MALRD1: variants seen among roughly 807,000 people sequenced by gnomAD.
MALRD1 encodes the protein MAM and LDL-receptor class A domain-containing protein 1.
MALRD1 carries 247 observed loss-of-function variants against 242.1 expected under a neutral mutation model. That is an observed-to-expected ratio of 1.02 (90% CI 0.92 to 1.13). MALRD1 has a LOEUF of 1.13. Ranked by LOEUF, MALRD1 falls within the 50% of genes most tolerant of loss-of-function variation. The pLI, the probability that MALRD1 is intolerant of heterozygous loss-of-function variation, is 0.00. For missense variants in MALRD1, 2,989 were observed against 2,533.1 expected (o/e 1.18, Z -3.86); for synonymous variants, 995 against 866.6 (o/e 1.15, Z -2.60).
chr10:19,688,709 G>C (rs1589403281), intron 36 of MALRD1, among the ~76,000 whole-genome samples: 2 of 152,188 alleles, frequency 1.3e-5, no homozygotes, highest in African/African-American at 4.8e-5. Context: ...CACTGCTGTT[G>C]CTCAAAGAAT....
At chr10:19,355,859 T>TATATATATATATATATATATACATAC (rs1348787430) in intron 26 of MALRD1, among the ~76,000 whole-genome samples, 3 of 18,262 alleles carry the variant, frequency 1.6e-4, no homozygotes, top group Non-Finnish European at 2.6e-4. Flanking sequence ...ATATATATAT[T>TATATATATATATATATATATACATAC]ATATATGATA....
chr10:19,600,508 A>G (rs1288842606), intron 34 of MALRD1, among the ~76,000 whole-genome samples: 2 of 152,216 alleles, frequency 1.3e-5, no homozygotes, highest in Non-Finnish European at 2.9e-5. Flanking sequence ...AATAAAATAA[A>G]TACCCATCCT....
rs187267975 is a variant in MALRD1 at position 19,187,211 on chromosome 10, G to A, written c.1951+11883G>A. Among the ~76,000 whole-genome samples, 5 of 152,174 alleles carry A rather than the reference G, an allele frequency of 3.3e-5. No individual in the cohort carries two copies. In the East Asian group the frequency reaches 7.7e-4, roughly 23 times the overall value. On this transcript the variant is annotated intron_variant, in intron 14 of 39. Transcript: ENST00000454679. ...TAAGGCATAAAGAGGATTAATATTA[G>A]GGCCCTGCTTCCTAGCTGGGGACAG...
chr10:19,465,438 C>A (rs1003918589), intron 29 of MALRD1, among the ~76,000 whole-genome samples: 2 of 152,062 alleles, frequency 1.3e-5, no homozygotes, highest in African/African-American at 4.8e-5. Context: ...GAATTTGTAT[C>A]AAATGTAAAT....
intron 18 of MALRD1, among the ~76,000 whole-genome samples, chr10:19,216,119 C>CTTTTTTTTTT (rs753559077): frequency 9.8e-5 from 12 of 122,800 alleles, no homozygotes; most frequent in Non-Finnish European, 1.3e-4. Context: ...TTCTTTCTTT[C>CTTTTTTTTTT]TTTTTTTTTT....
rs1429455279 is a variant in MALRD1 at position 19,545,357 on chromosome 10, T to C, written c.5478+14006T>C. ...TACATTCATCCTGTAACAGTATGTT[T>C]TGCTCATATGCATTTCAGATAAGTG... On this transcript the variant is annotated intron_variant, in intron 32 of 39. Coordinates refer to ENST00000454679, the MANE Select transcript of MALRD1 (RefSeq NM_001142308.3). Among the ~76,000 whole-genome samples, 3 of 152,214 alleles carry C rather than the reference T, an allele frequency of 2.0e-5. No individual in the cohort carries two copies. In the East Asian group the frequency reaches 5.8e-4, roughly 29 times the overall value.
chr10:19,637,731 C>T (rs1840201624), intron 36 of MALRD1, among the ~76,000 whole-genome samples: 1 of 152,096 alleles, frequency 6.6e-6, no homozygotes, highest in Non-Finnish European at 1.5e-5. Context: ...ACATGTAGTT[C>T]CCAAAACCAG....
At chr10:19,599,030 T>C (rs1302434042) in intron 34 of MALRD1, among the ~76,000 whole-genome samples, 1 of 152,174 alleles carries the variant, frequency 6.6e-6, no homozygotes, top group Non-Finnish European at 1.5e-5. Flanking sequence ...GAGAACTTTT[T>C]ACGGAGTAGG....
intron 29 of MALRD1, among the ~76,000 whole-genome samples, chr10:19,471,612 A>ATTT (rs34751709): frequency 1.6e-5 from 2 of 127,288 alleles, no homozygotes; most frequent in African/African-American, 5.8e-5. Context: ...TTTTCTCAGG[A>ATTT]TTTTTTTTTT....
At chr10:19,701,050 G>C (rs986759359) in intron 38 of MALRD1, among the ~76,000 whole-genome samples, 3 of 152,202 alleles carry the variant, frequency 2.0e-5, no homozygotes, top group Non-Finnish European at 2.9e-5. Context: ...TCCGGAGGCA[G>C]AGTTGAGTGG....
chr10:19,587,106 A>C (rs539415598), intron 33 of MALRD1, among the ~76,000 whole-genome samples: 13 of 152,310 alleles, frequency 8.5e-5, no homozygotes, highest in African/African-American at 3.1e-4. Flanking sequence ...GCATGCACCC[A>C]CTGACCTGCG....
At chr10:19,584,662 G>T (rs1311930803) in intron 33 of MALRD1, among the ~76,000 whole-genome samples, 5 of 151,674 alleles carry the variant, frequency 3.3e-5, no homozygotes, top group African/African-American at 1.2e-4. Context: ...GTCAATTTTG[G>T]AATAGGTGTG....
At chr10:19,087,578 A>T (rs2131295929) in intron 2 of MALRD1, among the ~76,000 whole-genome samples, 1 of 151,530 alleles carries the variant, frequency 6.6e-6, no homozygotes, top group Admixed American at 6.6e-5. Flanking sequence ...GTAGGTACAC[A>T]GTAGATGTGT....
chr10:19,393,650 G>T (rs1241234520), intron 28 of MALRD1, among the ~76,000 whole-genome samples: 1 of 149,312 alleles, frequency 6.7e-6, no homozygotes, highest in Non-Finnish European at 1.5e-5. Flanking sequence ...TAGAGACAGA[G>T]TTTCACCATG....
chr10:19,305,965 T>C (rs1399930642), intron 21 of MALRD1, among the ~76,000 whole-genome samples: 2 of 127,296 alleles, frequency 1.6e-5, no homozygotes, highest in Non-Finnish European at 3.2e-5. Context: ...ATATACTATA[T>C]ATACTATGCT....
At chr10:19,176,163 C>T (rs1222798263) in intron 14 of MALRD1, among the ~76,000 whole-genome samples, 1 of 151,908 alleles carries the variant, frequency 6.6e-6, no homozygotes, top group Admixed American at 6.6e-5. Context: ...ATATGAAAAT[C>T]AGACATACTG....
intron 21 of MALRD1, among the ~76,000 whole-genome samples, chr10:19,296,995 GTC>G (rs1564539606): frequency 6.6e-6 from 1 of 151,410 alleles, no homozygotes; most frequent in Non-Finnish European, 1.5e-5. Flanking sequence ...TTGTTAGTAA[GTC>G]TGTGAAATTT....
chr10:19,589,995 G>A (rs1837680044), intron 33 of MALRD1, among the ~76,000 whole-genome samples: 1 of 152,106 alleles, frequency 6.6e-6, no homozygotes, highest in South Asian at 2.1e-4. Flanking sequence ...CATTTCCCTT[G>A]CACGGTCACT....
At chr10:19,222,915 T>C (rs931027192) in intron 18 of MALRD1, among the ~76,000 whole-genome samples, 1 of 152,202 alleles carries the variant, frequency 6.6e-6, no homozygotes, top group Admixed American at 6.5e-5. Context: ...TGTCAGATGA[T>C]TGCTGTATCT....
Sources: gnomAD v4.1 joint callset for allele counts (sites outside exome capture counted in the v4.1 genomes callset) on GRCh38, gnomAD v4.1.1 for gene constraint, MANE v1.5 for transcripts, NCBI Gene and HGNC (gene_info 2026-07-23, HGNC 2026-07-21) for gene names.